Variants in MYT1L observed in about 807,000 individuals in gnomAD.
MYT1L encodes myelin transcription factor 1 like.
A neutral mutation model predicts 126.7 loss-of-function variants in MYT1L; 12 were observed. The ratio of observed to expected loss-of-function variants is 0.09; its 90% CI spans 0.06 to 0.15. The LOEUF is 0.15. Among genes scored for constraint, MYT1L ranks in the 10% least tolerant of loss-of-function variants. The probability of loss-of-function intolerance (pLI) is 1.00; values close to 1 mark genes in which losing one functional copy is unlikely to be tolerated. For synonymous variants in MYT1L, 541 were observed against 604.2 expected (o/e 0.90, Z 1.53); for missense variants, 979 against 1,585.2 (o/e 0.62, Z 6.49).
intron 19 of MYT1L, among the ~76,000 whole-genome samples, chr2:1,849,823 G>A (rs574173969): frequency 5.3e-5 from 8 of 152,332 alleles, no homozygotes; most frequent in Admixed American, 5.2e-4. Context: ...CTCTCAAATG[G>A]CTGGGATGTG....
intron 8 of MYT1L, among the ~76,000 whole-genome samples, chr2:1,953,113 C>T (rs1288727570): frequency 6.6e-6 from 1 of 151,882 alleles, no homozygotes; most frequent in Non-Finnish European, 1.5e-5. Flanking sequence ...CAGGGATATA[C>T]TACCAAGCTC....
rs2077355979 is a variant in MYT1L at position 2,095,549 on chromosome 2, C to T, written c.-303-41426G>A. Among the ~76,000 whole-genome samples, 2 of 152,198 alleles carry T rather than the reference C, an allele frequency of 1.3e-5. 1 individual carries two copies. The highest frequency in any genetic ancestry group is 4.1e-4 in the South Asian group (2 of 4,834). On this transcript the variant is annotated intron_variant, in intron 3 of 24. Transcript: ENST00000647738. ...TCAGGGGAGCTATCCTGCGAGCCCC[C>T]ACCTGTGGCCGCGGGGGGTCACTAC...
chr2:1,853,593 T>C (rs534705238), intron 18 of MYT1L, among the ~76,000 whole-genome samples: 1 of 152,360 alleles, frequency 6.6e-6, no homozygotes, highest in South Asian at 2.1e-4. Flanking sequence ...AAGCTAATCG[T>C]GGTGCATGTA....
At position 2,303,177 on chromosome 2, in the gene MYT1L, T is replaced by C. The variant is rs893676937; in HGVS notation, c.-520-18674A>G. On this transcript the variant is annotated intron_variant, in intron 1 of 24. Coordinates refer to ENST00000647738, the MANE Select transcript of MYT1L (RefSeq NM_001303052.2). ...ATCCTGGCGATCACCTTCATCAACA[T>C]AATGTTCAGCATCACAGGTGGAGAT... 2.0e-5 allele frequency among the ~76,000 whole-genome samples: 3 copies of C among 152,330 alleles called. No individual in the cohort carries two copies. In the East Asian group the frequency reaches 5.8e-4, roughly 29 times the overall value.
chr2:2,086,198 AC>A lies in MYT1L; in HGVS notation c.-303-32076del, dbSNP rs140557834. On this transcript the variant is annotated intron_variant, in intron 3 of 24. Transcript: ENST00000647738. ...TCACAGTTTACTCTTTAGTAAGGCA[AC>A]ATGCTGTTAGGAAGAGATGCGCTAA... Among the ~76,000 whole-genome samples, 789 of 152,310 alleles carry A rather than the reference AC, an allele frequency of 5.2e-3. 15 individuals are homozygous for A. Among genetic ancestry groups the A allele is most frequent in the East Asian group, 0.043 (222 of 5,178 alleles).
At chr2:2,044,092 A>G (rs1359721477) in intron 4 of MYT1L, among the ~76,000 whole-genome samples, 1 of 152,106 alleles carries the variant, frequency 6.6e-6, no homozygotes, top group African/African-American at 2.4e-5. Context: ...TGGTTGTGTT[A>G]TTATTTCTCT....
At chr2:2,024,847 G>C (rs899211045) in intron 4 of MYT1L, among the ~76,000 whole-genome samples, 1 of 152,156 alleles carries the variant, frequency 6.6e-6, no homozygotes, top group Non-Finnish European at 1.5e-5. Context: ...TCTTCCCTCT[G>C]TCCTTTTCAT....
chr2:1,870,676 T>C (rs2046168785), intron 18 of MYT1L, among the ~76,000 whole-genome samples: 1 of 152,236 alleles, frequency 6.6e-6, no homozygotes, highest in African/African-American at 2.4e-5. Flanking sequence ...AGGGACATTT[T>C]ACACGATCTG....
At chr2:1,961,359 C>T (rs2058944725) in intron 8 of MYT1L, among the ~76,000 whole-genome samples, 1 of 152,124 alleles carries the variant, frequency 6.6e-6, no homozygotes. Context: ...GAAGTCCAGC[C>T]CACTATTTAC....
chr2:2,031,609 G>A (rs1367406543), intron 4 of MYT1L, among the ~76,000 whole-genome samples: 23 of 129,828 alleles, frequency 1.8e-4, no homozygotes, highest in African/African-American at 1.5e-4. Flanking sequence ...TCATCCTGTG[G>A]CCCAGAGCAG....
chr2:2,265,626 G>A (rs978580036), intron 2 of MYT1L, among the ~76,000 whole-genome samples: 5 of 152,106 alleles, frequency 3.3e-5, no homozygotes, highest in Admixed American at 6.5e-5. Context: ...GAACTTCATT[G>A]TTTAAGAGCA....
At chr2:2,167,014 A>G in intron 3 of MYT1L, among the ~76,000 whole-genome samples, 1 of 152,204 alleles carries the variant, frequency 6.6e-6, no homozygotes, top group East Asian at 1.9e-4. Flanking sequence ...AAAGCATAAC[A>G]CAGATGTAAA....
intron 3 of MYT1L, among the ~76,000 whole-genome samples, chr2:2,107,843 A>C (rs1043889843): frequency 6.6e-6 from 1 of 152,174 alleles, no homozygotes; most frequent in Non-Finnish European, 1.5e-5. Context: ...GAAGAGCAGA[A>C]GGCGGGCCGC....
At chr2:2,235,791 T>C (rs953367937) in intron 2 of MYT1L, among the ~76,000 whole-genome samples, 4 of 152,196 alleles carry the variant, frequency 2.6e-5, no homozygotes, top group Admixed American at 2.0e-4. Context: ...GTTTTACTTC[T>C]ATATTTTTAT....
At chr2:2,265,421 G>A (rs1361447857) in intron 2 of MYT1L, among the ~76,000 whole-genome samples, 1 of 152,012 alleles carries the variant, frequency 6.6e-6, no homozygotes, top group Admixed American at 6.6e-5. Context: ...TAGCCTGTGT[G>A]GCATATTTAA....
chr2:1,856,782 C>G (rs1253282500), intron 18 of MYT1L, among the ~76,000 whole-genome samples: 1 of 152,222 alleles, frequency 6.6e-6, no homozygotes, highest in African/African-American at 2.4e-5. Flanking sequence ...GATAGGGCTG[C>G]CTCTAGTTAA....
intron 21 of MYT1L, among the ~76,000 whole-genome samples, chr2:1,824,260 A>C (rs2148181334): frequency 6.6e-6 from 1 of 152,346 alleles, no homozygotes; most frequent in East Asian, 1.9e-4. Context: ...TCTGTAATGT[A>C]GATTCAGTTT....
At chr2:2,012,462 CG>C (rs2063929515) in intron 4 of MYT1L, among the ~76,000 whole-genome samples, 1 of 152,006 alleles carries the variant, frequency 6.6e-6, no homozygotes, top group South Asian at 2.1e-4. Flanking sequence ...GGGCCAGAGT[CG>C]GGGAATGTGG....
intron 2 of MYT1L, among the ~76,000 whole-genome samples, chr2:2,270,004 T>C (rs1445279625): frequency 2.0e-5 from 3 of 152,176 alleles, no homozygotes; most frequent in Non-Finnish European, 4.4e-5. Flanking sequence ...AATTCGTATC[T>C]TGAGCCTGAT....
Sources: gnomAD v4.1 joint callset for allele counts (sites outside exome capture counted in the v4.1 genomes callset) on GRCh38, gnomAD v4.1.1 for gene constraint, MANE v1.5 for transcripts, NCBI Gene and HGNC (gene_info 2026-07-23, HGNC 2026-07-21) for gene names.